The following TBC1D22A variants were observed in gnomAD, a reference collection of about 807,000 sequenced individuals.
TBC1D22A encodes the protein TBC1 domain family member 22A.
TBC1D22A carries 38 observed loss-of-function variants against 60.2 expected under a neutral mutation model. The ratio of observed to expected loss-of-function variants is 0.63; its 90% CI spans 0.49 to 0.83. The LOEUF is 0.83. TBC1D22A is among the 40% of genes least tolerant of loss of function. The pLI, the probability that TBC1D22A is intolerant of heterozygous loss-of-function variation, is 0.00. For synonymous variants in TBC1D22A, 302 were observed against 281.7 expected (o/e 1.07, Z -0.72); for missense variants, 628 against 701.0 (o/e 0.90, Z 1.18).
intron 11 of TBC1D22A, among the ~76,000 whole-genome samples, chr22:47,073,671 AG>A (rs1197615839): frequency 1.3e-5 from 2 of 152,234 alleles, no homozygotes; most frequent in African/African-American, 4.8e-5. Flanking sequence ...GCCAGACCCC[AG>A]GGCAGGCAGC....
chr22:46,965,845 C>T (rs2073776077), intron 8 of TBC1D22A, among the ~76,000 whole-genome samples: 1 of 152,216 alleles, frequency 6.6e-6, no homozygotes, highest in Admixed American at 6.5e-5. Context: ...ACATCTTCCT[C>T]CTGTGCCTCA....
intron 11 of TBC1D22A, among the ~76,000 whole-genome samples, chr22:47,108,971 A>C (rs1268453127): frequency 6.6e-6 from 1 of 152,248 alleles, no homozygotes; most frequent in Non-Finnish European, 1.5e-5. Context: ...CTGGAATTAC[A>C]GGCGTGAGCC....
intron 12 of TBC1D22A, among the ~76,000 whole-genome samples, chr22:47,152,346 C>G (rs1455567905): frequency 6.6e-6 from 1 of 152,094 alleles, no homozygotes; most frequent in Non-Finnish European, 1.5e-5. Context: ...GGGGTTCCCC[C>G]CCTGGCCCCT....
chr22:47,152,148 C>A (rs561460672), intron 12 of TBC1D22A, among the ~76,000 whole-genome samples: 2 of 152,358 alleles, frequency 1.3e-5, no homozygotes, highest in South Asian at 4.1e-4. Context: ...CTATTGCTTC[C>A]TGGTTAAGTG....
Position 46,982,502 on chromosome 22 carries a change from G to A in TBC1D22A, c.1125+8103G>A, listed in dbSNP as rs372299312. On this transcript the variant is annotated intron_variant, in intron 9 of 12. Transcript: ENST00000337137. The stretch of plus-strand genomic sequence containing the variant: ...CTCCCAAAGTGCTGGGATTACAGGC[G>A]TGAGCCACTGCGCCCGGCCAAGAGA... Among the ~76,000 whole-genome samples the A allele has an allele frequency of 1.6e-4, 25 of 152,290 alleles. No homozygotes were observed. The East Asian group carries it at 4.3e-3, about 26-fold the overall frequency.
intron 5 of TBC1D22A, among the ~76,000 whole-genome samples, chr22:46,881,345 G>A (rs538515418): frequency 1.2e-4 from 18 of 152,276 alleles, no homozygotes; most frequent in South Asian, 4.1e-4. Flanking sequence ...AGACCAAGTC[G>A]TCCCCCTGGG....
intron 8 of TBC1D22A, among the ~76,000 whole-genome samples, chr22:46,916,960 G>C (rs914126810): frequency 1.3e-5 from 2 of 152,206 alleles, no homozygotes; most frequent in African/African-American, 2.4e-5. Flanking sequence ...AGGGAGTGGG[G>C]AAGAAACTAG....
At chr22:47,159,823 C>T (rs544348638) in intron 12 of TBC1D22A, among the ~76,000 whole-genome samples, 127 of 151,664 alleles carry the variant, frequency 8.4e-4, no homozygotes, top group Middle Eastern at 3.4e-3. Context: ...GCACACAACC[C>T]CCACACACGC....
At chr22:46,792,610 G>A in intron 2 of TBC1D22A, 34 bp downstream of exon 2, 1 of 1,614,210 alleles carries the variant, frequency 6.2e-7, no homozygotes. Context: ...TGGCGTCTCG[G>A]CTCTGATATG....
chr22:46,881,141 A>T (rs2067830296), intron 5 of TBC1D22A, among the ~76,000 whole-genome samples: 2 of 151,988 alleles, frequency 1.3e-5, no homozygotes, highest in African/African-American at 4.8e-5. Context: ...TGCCATCCCT[A>T]CCCACCCCAT....
At chr22:47,172,560 A>G (rs7292316) in intron 12 of TBC1D22A, among the ~76,000 whole-genome samples, 38,716 of 152,110 alleles carry the variant, frequency 0.25, 5,122 homozygotes, top group East Asian at 0.46. Context: ...TTTACCTCCT[A>G]TCTTTACCTA....
chr22:47,127,169 C>A (rs866629127), intron 12 of TBC1D22A, among the ~76,000 whole-genome samples: 1 of 152,024 alleles, frequency 6.6e-6, no homozygotes, highest in African/African-American at 2.4e-5. Context: ...GAAAACTACT[C>A]CTTGCCCCAT....
At chr22:47,015,481 C>T (rs1010600346) in intron 10 of TBC1D22A, among the ~76,000 whole-genome samples, 1 of 152,260 alleles carries the variant, frequency 6.6e-6, no homozygotes, top group African/African-American at 2.4e-5. Flanking sequence ...AGGAAACCTG[C>T]AATTCAGCTG....
intron 9 of TBC1D22A, among the ~76,000 whole-genome samples, chr22:46,979,353 G>A (rs2074423391): frequency 6.6e-6 from 1 of 152,182 alleles, no homozygotes; most frequent in Non-Finnish European, 1.5e-5. Context: ...TGAAGTGACA[G>A]GCCAACTTCA....
chr22:47,070,946 G>T (rs374815866), intron 11 of TBC1D22A, among the ~76,000 whole-genome samples: 1 of 152,184 alleles, frequency 6.6e-6, no homozygotes, highest in Non-Finnish European at 1.5e-5. Flanking sequence ...CGGTCCCGGC[G>T]CTGTTCGTGT....
chr22:46,837,537 A>G (rs1165059315), intron 4 of TBC1D22A, among the ~76,000 whole-genome samples: 2 of 152,248 alleles, frequency 1.3e-5, no homozygotes, highest in Admixed American at 6.5e-5. Context: ...TTGAAATAAT[A>G]TCAAGAATCT....
intron 4 of TBC1D22A, among the ~76,000 whole-genome samples, chr22:46,865,898 A>G (rs1286229251): frequency 2.2e-4 from 34 of 152,366 alleles, no homozygotes; most frequent in Admixed American, 2.2e-3. Flanking sequence ...TCTGTAGCAC[A>G]GAAAAGTCAG....
At chr22:46,817,728 G>A (rs764806090) in intron 4 of TBC1D22A, among the ~76,000 whole-genome samples, 6 of 152,186 alleles carry the variant, frequency 3.9e-5, no homozygotes, top group East Asian at 1.9e-4. Context: ...GTGTGTGCAC[G>A]TATCTTCATA....
At chr22:46,908,475 A>G (rs1016106326) in intron 7 of TBC1D22A, among the ~76,000 whole-genome samples, 18 of 152,158 alleles carry the variant, frequency 1.2e-4, no homozygotes, top group African/African-American at 4.1e-4. Context: ...TTTTTGTTCA[A>G]TGCTTGAGCT....
Sources: gnomAD v4.1 joint callset for allele counts (sites outside exome capture counted in the v4.1 genomes callset) on GRCh38, gnomAD v4.1.1 for gene constraint, MANE v1.5 for transcripts, NCBI Gene and HGNC (gene_info 2026-07-23, HGNC 2026-07-21) for gene names.